The following RFC3 variants were observed in gnomAD, a reference collection of about 807,000 sequenced individuals.
RFC3 encodes replication factor C subunit 3, also known as A1 38 kDa subunit.
In RFC3, 41 loss-of-function variants were observed where a neutral mutation model predicts 45.1. The observed-to-expected ratio is 0.91, with a 90% CI of 0.71 to 1.18. RFC3 has a LOEUF of 1.18. RFC3 is among the 50% of genes most tolerant of loss of function. The pLI is 0.00. For synonymous variants in RFC3, 149 were observed against 144.0 expected (o/e 1.03, Z -0.25); for missense variants, 423 against 428.1 (o/e 0.99, Z 0.10).
intron 8 of RFC3, among the ~76,000 whole-genome samples, chr13:33,870,724 G>A (rs760246307): frequency 6.6e-6 from 1 of 152,092 alleles, no homozygotes. Flanking sequence ...ACCTAAGGTA[G>A]GACCATTGTT....
the RFC3 span, among the ~76,000 whole-genome samples, chr13:33,977,369 T>TA: frequency 6.6e-6 from 1 of 152,130 alleles, no homozygotes; most frequent in East Asian, 1.9e-4. Flanking sequence ...AGGTTTTATT[T>TA]AAAAACAATA....
At chr13:33,956,433 T>C (rs1041224632) in intron 8 of RFC3, among the ~76,000 whole-genome samples, 25 of 152,204 alleles carry the variant, frequency 1.6e-4, no homozygotes, top group African/African-American at 6.0e-4. Flanking sequence ...CACAGCAAAT[T>C]GTACATCATC....
At chr13:33,825,942 T>C (rs2082045580) in intron 4 of RFC3, 56 bp downstream of exon 4, 2 of 1,083,002 alleles carry the variant, frequency 1.8e-6, no homozygotes, top group Non-Finnish European at 1.4e-6. Flanking sequence ...TGCTCTCTCT[T>C]TTTTTTGAGT....
intron 4 of RFC3, among the ~76,000 whole-genome samples, chr13:33,827,171 C>T (rs2082057372): frequency 6.6e-6 from 1 of 152,122 alleles, no homozygotes; most frequent in African/African-American, 2.4e-5. Flanking sequence ...TGCTAGCAAT[C>T]CCAGTGCTTT....
At chr13:33,925,451 TATAC>T (rs750809358) in intron 8 of RFC3, among the ~76,000 whole-genome samples, 6 of 134,994 alleles carry the variant, frequency 4.4e-5, no homozygotes, top group African/African-American at 1.7e-4. Flanking sequence ...TAGTGTACTA[TATAC>T]ATACATACAT....
downstream of RFC3, among the ~76,000 whole-genome samples, chr13:33,841,944 T>C (rs1259830943): frequency 1.3e-5 from 2 of 152,176 alleles, no homozygotes; most frequent in African/African-American, 4.8e-5. Context: ...CTTGCAGTTT[T>C]TATTTTCTCC....
rs150131684 is a variant in RFC3, at chr13:33,882,567, C to G, written c.879+47350C>G. Among the ~76,000 whole-genome samples, 3 of 152,140 alleles carry G rather than the reference C, an allele frequency of 2.0e-5. No homozygotes were observed. The East Asian group carries it at 5.8e-4, about 29-fold the overall frequency. Reference sequence around the variant, plus strand: ...TCTCTCTGTCTGTCTCTATGCCTGCCGTGTGAGGATACAAACAGGAGGCAG... The same window carrying G: ...TCTCTCTGTCTGTCTCTATGCCTGCGGTGTGAGGATACAAACAGGAGGCAG... On this transcript the variant is annotated intron_variant, in intron 8 of 8. Transcript: ENST00000434425.
chr13:33,936,497 A>C (rs973197317), intron 8 of RFC3, among the ~76,000 whole-genome samples: 1 of 152,198 alleles, frequency 6.6e-6, no homozygotes, highest in Non-Finnish European at 1.5e-5. Flanking sequence ...AGTTAAGGTG[A>C]GGCTATTAGG....
At chr13:33,939,532 A>G (rs2082910560) in intron 8 of RFC3, among the ~76,000 whole-genome samples, 1 of 152,206 alleles carries the variant, frequency 6.6e-6, no homozygotes, top group South Asian at 2.1e-4. Flanking sequence ...TTCTTCCTGC[A>G]TTGTATCCTT....
chr13:33,832,223 C>G (rs1365971321), intron 7 of RFC3, among the ~76,000 whole-genome samples: 1 of 152,120 alleles, frequency 6.6e-6, no homozygotes, highest in Admixed American at 6.5e-5. Context: ...AAAGCACAGT[C>G]TCATATCCTT....
At chr13:33,893,081 G>A (rs1482664588) in intron 8 of RFC3, among the ~76,000 whole-genome samples, 1 of 152,172 alleles carries the variant, frequency 6.6e-6, no homozygotes, top group African/African-American at 2.4e-5. Context: ...CGAGAGAAGG[G>A]AAGGAGGTGG....
intron 8 of RFC3, among the ~76,000 whole-genome samples, chr13:33,917,856 A>T (rs866410750): frequency 2.0e-5 from 3 of 149,832 alleles, no homozygotes; most frequent in African/African-American, 2.5e-5. Flanking sequence ...AATTTTGTTT[A>T]AAAAAAAACA....
chr13:33,927,339 A>G (rs2082820467), intron 8 of RFC3, among the ~76,000 whole-genome samples: 1 of 151,958 alleles, frequency 6.6e-6, no homozygotes, highest in African/African-American at 2.4e-5. Flanking sequence ...TGGGGGAAAG[A>G]GGGGGTTATG....
chr13:33,962,743 TTATG>T (rs972094504), intron 8 of RFC3, among the ~76,000 whole-genome samples: 3 of 152,132 alleles, frequency 2.0e-5, no homozygotes, highest in East Asian at 1.9e-4. Flanking sequence ...CCAAATAGTG[TTATG>T]TATGTATGTA....
chr13:33,841,773 T>G (rs936948837), downstream of RFC3, among the ~76,000 whole-genome samples: 17 of 152,102 alleles, frequency 1.1e-4, no homozygotes, highest in Non-Finnish European at 2.1e-4. Context: ...TTTTTTGGAG[T>G]AGGCCTGGCG....
chr13:33,876,989 A>G lies in RFC3; in HGVS notation c.879+41772A>G, dbSNP rs79263855. 5.8e-4 allele frequency among the ~76,000 whole-genome samples: 89 copies of G among 152,348 alleles called. 1 individual carries two copies. In the East Asian group the frequency reaches 0.015, roughly 26 times the overall value. On this transcript the variant is annotated intron_variant, in intron 8 of 8. Transcript: ENST00000434425. ...GCAGACACTGATTTCTTTTTTCACT[A>G]TAACACTTTTATTGCAATTTTGCTT...
At chr13:33,886,669 A>C (rs1305777373) in intron 8 of RFC3, among the ~76,000 whole-genome samples, 1 of 149,354 alleles carries the variant, frequency 6.7e-6, no homozygotes, top group East Asian at 2.0e-4. Flanking sequence ...GTTTTAGGGT[A>C]CATGTGCACA....
intron 8 of RFC3, chr13:33,847,577 T>A (rs1465768355): frequency 6.6e-6 from 1 of 151,936 alleles, no homozygotes; most frequent in Non-Finnish European, 1.5e-5. Flanking sequence ...TATGGTCAAG[T>A]ATCTCTTAAA....
downstream of RFC3, among the ~76,000 whole-genome samples, chr13:33,840,061 A>G (rs1157044948): frequency 6.6e-6 from 1 of 152,142 alleles, no homozygotes; most frequent in African/African-American, 2.4e-5. Context: ...AGTTTCCAAC[A>G]GTTTGAGTAA....
Sources: gnomAD v4.1 joint callset for allele counts (sites outside exome capture counted in the v4.1 genomes callset) on GRCh38, gnomAD v4.1.1 for gene constraint, MANE v1.5 for transcripts, NCBI Gene and HGNC (gene_info 2026-07-23, HGNC 2026-07-21) for gene names.